Variants in ARHGAP20 observed in about 807,000 individuals in gnomAD.
ARHGAP20 encodes the protein Rho GTPase activating protein 20.
In ARHGAP20, 34 loss-of-function variants were observed where a neutral mutation model predicts 73.7. The ratio of observed to expected loss-of-function variants is 0.46; its 90% CI spans 0.35 to 0.61. The LOEUF is 0.61. Among genes scored for constraint, ARHGAP20 ranks in the 20% least tolerant of loss-of-function variants. ARHGAP20 has a pLI of 0.00. For missense variants in ARHGAP20, 1,314 were observed against 1,420.9 expected (o/e 0.92, Z 1.21); for synonymous variants, 523 against 518.2 (o/e 1.01, Z -0.13).
intron 1 of ARHGAP20, 42 bp from the exon 2 acceptor site, chr11:110,690,671 A>G (rs1296999695): frequency 7.6e-6 from 12 of 1,571,570 alleles, no homozygotes; most frequent in Non-Finnish European, 9.6e-6. Context: ...CATGGCTTGT[A>G]AGGCAAGACA....
At position 110,641,958 on chromosome 11, in the gene ARHGAP20, G is replaced by A. The variant is rs1282437963; in HGVS notation, c.189-11166C>T. On this transcript the variant is annotated intron_variant, in intron 2 of 14. Transcript: ENST00000683387. Reference sequence around the variant, plus strand: ...GATTACACTGTATGTGGTTCTGTTAGTTTGTTTATGGATTCAACAATGAAC... The same window carrying A: ...GATTACACTGTATGTGGTTCTGTTAATTTGTTTATGGATTCAACAATGAAC... Among the ~76,000 whole-genome samples the A allele has an allele frequency of 3.3e-5, 5 of 152,036 alleles. No homozygotes were observed. In the East Asian group the frequency reaches 9.6e-4, roughly 29 times the overall value.
At chr11:110,610,296 A>C (rs2134886373) in intron 7 of ARHGAP20, among the ~76,000 whole-genome samples, 1 of 104,584 alleles carries the variant, frequency 9.6e-6, no homozygotes, top group Non-Finnish European at 1.8e-5. Flanking sequence ...ACTGTGTATA[A>C]GCAAATCTAA....
chr11:110,642,448 T>C (rs938380105), intron 2 of ARHGAP20, among the ~76,000 whole-genome samples: 6 of 152,106 alleles, frequency 3.9e-5, no homozygotes, highest in Admixed American at 2.6e-4. Flanking sequence ...TCTTATTATT[T>C]GAGATATATT....
intron 2 of ARHGAP20, among the ~76,000 whole-genome samples, chr11:110,638,793 T>G (rs1478675089): frequency 1.3e-5 from 2 of 151,202 alleles, no homozygotes; most frequent in African/African-American, 4.8e-5. Context: ...AGGTGGGAAC[T>G]GAACAATGAG....
At position 110,577,345 on chromosome 11, in the gene ARHGAP20, T is replaced by G. The variant is rs1947312097; in HGVS notation, c.*2025A>C. On this transcript the variant is annotated 3_prime_UTR_variant, in exon 15 of 15. Coordinates refer to ENST00000683387, the MANE Select transcript of ARHGAP20 (RefSeq NM_001384657.1). ...ATACTTTACAGCAATATTAACAAAC[T>G]ATTCACATTAAGAATTACAGGAGTA... 8.1e-7 allele frequency: 1 copy of G among 1,237,284 alleles called. No homozygotes were observed. The highest frequency in any genetic ancestry group is 1.6e-5 in the African/African-American group (1 of 64,420). The allele number at this position is 1,237,284 out of a possible 1,614,324, so 76.6% of individuals were successfully genotyped here.
intron 6 of ARHGAP20, among the ~76,000 whole-genome samples, chr11:110,612,999 A>G (rs1948404096): frequency 3.9e-5 from 6 of 152,194 alleles, no homozygotes; most frequent in Admixed American, 3.9e-4. Context: ...ATTTTAAAAA[A>G]GTCTAAAATT....
intron 1 of ARHGAP20, among the ~76,000 whole-genome samples, chr11:110,702,156 A>G (rs1950465437): frequency 6.6e-6 from 1 of 152,120 alleles, no homozygotes; most frequent in Admixed American, 6.6e-5. Context: ...GGCAAACCGA[A>G]TCCAGCAGCA....
intron 2 of ARHGAP20, among the ~76,000 whole-genome samples, chr11:110,680,303 T>C (rs1310949048): frequency 6.6e-6 from 1 of 152,108 alleles, no homozygotes; most frequent in Non-Finnish European, 1.5e-5. Context: ...ACAGAGTCCA[T>C]ACTTTCTTAA....
chr11:110,624,427 C>A (rs1948693086), intron 3 of ARHGAP20, 116 bp from the exon 4 acceptor site: 3 of 757,812 alleles, frequency 4.0e-6, no homozygotes, highest in Non-Finnish European at 6.1e-6. Context: ...AAACCAAATA[C>A]TGCATGTTCT....
At chr11:110,673,856 A>G (rs1289216600) in intron 2 of ARHGAP20, among the ~76,000 whole-genome samples, 1 of 152,166 alleles carries the variant, frequency 6.6e-6, no homozygotes, top group Non-Finnish European at 1.5e-5. Flanking sequence ...GTCTAATATG[A>G]TGGCTAAGGT....
At chr11:110,661,037 A>ATCC (rs1382694264) in intron 2 of ARHGAP20, among the ~76,000 whole-genome samples, 2 of 152,230 alleles carry the variant, frequency 1.3e-5, no homozygotes, top group Non-Finnish European at 2.9e-5. Context: ...TCCAAAACAA[A>ATCC]TACATCAGAA....
Position 110,588,068 on chromosome 11 carries a change from ACAT to A in ARHGAP20, c.1306-1746_1306-1744del, listed in dbSNP as rs370258357. On this transcript the variant is annotated intron_variant, in intron 11 of 14. Transcript: ENST00000683387. ...TACTTATGATCTGTCTTGAAGAAAA[ACAT>A]CATTAACATCTTAAACCTACACTTG... 2.2e-3 allele frequency among the ~76,000 whole-genome samples: 340 copies of A among 152,352 alleles called. 2 individuals carry two copies. The highest frequency in any genetic ancestry group is 4.9e-3 in the Admixed American group (75 of 15,300).
intron 1 of ARHGAP20, among the ~76,000 whole-genome samples, chr11:110,693,234 G>C (rs1950276554): frequency 6.6e-6 from 1 of 151,876 alleles, no homozygotes; most frequent in African/African-American, 2.4e-5. Flanking sequence ...TTATATTGAA[G>C]AGAATGCAAT....
In ARHGAP20 at chr11:110,643,275, T is replaced by C. The variant is rs543396906; in HGVS notation, c.189-12483A>G. On this transcript the variant is annotated intron_variant, in intron 2 of 14. Coordinates refer to ENST00000683387, the MANE Select transcript of ARHGAP20 (RefSeq NM_001384657.1). The stretch of plus-strand genomic sequence containing the variant: ...GATTTTTATGTCTCGATTTCATCCA[T>C]TTCTGCTCTGACTTTATTTATTTTC... Among the ~76,000 whole-genome samples, 21 of 152,216 alleles carry C rather than the reference T, an allele frequency of 1.4e-4. No individual in the cohort carries two copies. The South Asian group carries it at 4.3e-3, about 32-fold the overall frequency.
intron 2 of ARHGAP20, among the ~76,000 whole-genome samples, chr11:110,635,301 C>A (rs768228726): frequency 2.0e-5 from 3 of 152,050 alleles, no homozygotes; most frequent in African/African-American, 7.2e-5. Flanking sequence ...AATGCAAATT[C>A]TCGGGCCTTC....
At chr11:110,691,174 C>A (rs2135118539) in intron 1 of ARHGAP20, 5 of 472,224 alleles carry the variant, frequency 1.1e-5, no homozygotes, top group Non-Finnish European at 1.8e-5. Flanking sequence ...TAACTTCAAA[C>A]AATAAAAAAA....
chr11:110,603,759 T>C (rs1292279099), intron 9 of ARHGAP20, among the ~76,000 whole-genome samples: 1 of 152,174 alleles, frequency 6.6e-6, no homozygotes, highest in Non-Finnish European at 1.5e-5. Flanking sequence ...GAGAAGAATC[T>C]AACAAAATTC....
intron 12 of ARHGAP20, among the ~76,000 whole-genome samples, chr11:110,583,968 AAT>A (rs1947546693): frequency 1.3e-5 from 2 of 152,166 alleles, no homozygotes; most frequent in Non-Finnish European, 2.9e-5. Context: ...TCTCAAAGAA[AAT>A]GTAAAAGAAT....
chr11:110,631,374 C>G (rs575967647), intron 2 of ARHGAP20, among the ~76,000 whole-genome samples: 48 of 152,308 alleles, frequency 3.2e-4, no homozygotes, highest in African/African-American at 1.0e-3. Flanking sequence ...CAAATATAGT[C>G]TCTATGGATT....
Sources: allele counts gnomAD v4.1 joint callset (sites outside exome capture counted in the v4.1 genomes callset), GRCh38; gene constraint gnomAD v4.1.1; transcripts MANE v1.5; gene names NCBI Gene and HGNC (gene_info 2026-07-23, HGNC 2026-07-21).